REXO1: variants seen among roughly 807,000 people sequenced by gnomAD.
The protein encoded by REXO1 is REX1, RNA exonuclease 1 homolog.
Under a neutral mutation model 102.6 loss-of-function variants are expected in REXO1, and 42 were observed. The observed-to-expected ratio is 0.41, with a 90% CI of 0.32 to 0.53. The LOEUF (loss-of-function observed/expected upper bound fraction) is 0.53, where lower values mean the gene tolerates loss of function less well. Ranked by LOEUF, REXO1 falls within the 20% of genes least tolerant of loss-of-function variation. The probability of loss-of-function intolerance (pLI) is 0.27; values close to 1 mark genes in which losing one functional copy is unlikely to be tolerated. For missense variants in REXO1, 1,819 were observed against 1,732.5 expected, an observed-to-expected ratio of 1.05 and a Z score of -0.89; for synonymous variants, 908 against 779.1, an observed-to-expected ratio of 1.17 and a Z score of -2.76.
chr19:1,827,302 T>C lies in REXO1; in HGVS notation c.1487A>G (p.Lys496Arg). The change falls in exon 2 of 16, where the codon AAA (lysine) becomes AGA (arginine). Residue 496 changes from lysine (K) to arginine (R), a missense_variant. Lys to Arg is a conservative substitution (Grantham distance 26). Transcript: ENST00000170168. Reference sequence around the variant, plus strand: ...GGCGCCCTCGTCTAGTGAGCGGGCTTTCCGCTCCACTAGCTTCCCCGACGG... The same window carrying C: ...GGCGCCCTCGTCTAGTGAGCGGGCTCTCCGCTCCACTAGCTTCCCCGACGG... ...KAPSGKLVER[K>R]ARSLDEGASQ... 1.3e-6 allele frequency: 2 copies of C among 1,563,716 alleles called. No individual in the cohort carries two copies. The highest frequency in any genetic ancestry group is 1.1e-5 in the South Asian group (1 of 87,204).
chr19:1,818,742 T>A lies in REXO1; in HGVS notation c.2866A>T (p.Ile956Phe). 6.2e-7 allele frequency: 1 copy of A among 1,611,058 alleles called. No individual in the cohort carries two copies. The highest frequency in any genetic ancestry group is 8.5e-7 in the Non-Finnish European group (1 of 1,179,880). ...CTCTTCTCCTCAGCTGTGAAGATGA[T>A]TGCGCCCCCGGGCCGCTCTGGGTGC... ...FPHPERPGGA[I>F]IFTAEEKRPK... is the part of the protein sequence containing the mutation. The change falls in exon 9 of 16, where the codon ATC (isoleucine) becomes TTC (phenylalanine). Residue 956 changes from isoleucine to phenylalanine, a missense_variant. Transcript: ENST00000170168.
Position 1,827,712 on chromosome 19 carries a change from T to C in REXO1, c.1077A>G (p.Pro359=). Residue 359 remains proline, a synonymous_variant, in exon 2 of 16, where the codon CCA becomes CCG. Coordinates refer to ENST00000170168, the MANE Select transcript of REXO1 (RefSeq NM_020695.4). ...LQPPPAKPAS[P]AQVQSSQDGG... ...CATCCTGTGAGGACTGGACCTGGGC[T>C]GGGGAGGCGGGCTTGGCTGGGGGCG... 2 of 1,570,860 alleles carry C rather than the reference T, an allele frequency of 1.3e-6. No individual in the cohort carries two copies. The highest frequency in any genetic ancestry group is 1.7e-4 in the Middle Eastern group (1 of 5,826).
At chr19:1,823,404 A>G in intron 4 of REXO1, 168 bp downstream of exon 4, 1 of 428,212 alleles carries the variant, frequency 2.3e-6, no homozygotes, top group Non-Finnish European at 3.9e-6. Context: ...ACCCCTCAAC[A>G]GTCCCCATTT....
At position 1,815,609 on chromosome 19, in the gene REXO1, G is replaced by A. The variant is rs1022908835; in HGVS notation, c.*457C>T. On this transcript the variant is annotated 3_prime_UTR_variant, in exon 16 of 16. Transcript: ENST00000170168. This position sits in a 1 kb window ranked among gnomAD's most constrained non-coding sequence, Gnocchi z 4.0. ...CAGGCCCGCTCTTCCCGGTGGGAAA[G>A]ATGCTGTGCAAGTCATCAGGTTTAA... 2.1e-5 allele frequency: 22 copies of A among 1,026,002 alleles called. No homozygotes were observed. Among genetic ancestry groups the A allele is most frequent in the African/African-American group, 6.7e-5 (4 of 59,584 alleles). The allele number at this position is 1,026,002 out of a possible 1,614,324, so 63.6% of individuals were successfully genotyped here.
rs556330713 is a variant in REXO1, at chr19:1,837,150, G to A, written c.158-8519C>T. 7.2e-5 allele frequency among the ~76,000 whole-genome samples: 11 copies of A among 152,314 alleles called. No individual in the cohort carries two copies. The South Asian group carries it at 1.7e-3, about 23-fold the overall frequency. Reference sequence around the variant, plus strand: ...CAAGGCAGGGGCTGGTTGTGTCCACGGGAGCGCCCATCCCATAACAGACCC... The same window carrying A: ...CAAGGCAGGGGCTGGTTGTGTCCACAGGAGCGCCCATCCCATAACAGACCC... On this transcript the variant is annotated intron_variant, in intron 1 of 15. Coordinates refer to ENST00000170168, the MANE Select transcript of REXO1 (RefSeq NM_020695.4).
At chr19:1,840,688 A>C (rs1599170033) in intron 1 of REXO1, among the ~76,000 whole-genome samples, 7 of 105,110 alleles carry the variant, frequency 6.7e-5, no homozygotes, top group African/African-American at 1.5e-4. Context: ...TCACCCCTCC[A>C]CTCCCTGCAA....
At chr19:1,832,934 A>AG (rs1401660017) in intron 1 of REXO1, among the ~76,000 whole-genome samples, 2 of 148,660 alleles carry the variant, frequency 1.3e-5, no homozygotes, top group Non-Finnish European at 3.0e-5. Context: ...AAAAAAAAAA[A>AG]AAATTACACT....
In REXO1 at chr19:1,816,231, C is replaced by T. The variant is rs2069358361; in HGVS notation, c.3571G>A (p.Asp1191Asn). 6.3e-7 allele frequency: 1 copy of T among 1,584,890 alleles called. No individual in the cohort carries two copies. The highest frequency in any genetic ancestry group is 2.3e-5 in the East Asian group (1 of 43,588). ...GGCAGGCACCGGCACTCACCATTGTCCTGGATGATCTGTCTGAGGTAGTCG... is the reference window on the plus strand; with the variant it reads ...GGCAGGCACCGGCACTCACCATTGTTCTGGATGATCTGTCTGAGGTAGTCG... ...MADYLRQIIQ[D>N]NVDGHSSSED... The change falls in exon 15 of 16, where the codon GAC becomes AAC. Residue 1191 changes from aspartate (D) to asparagine (N), a missense_variant. Physicochemically the swap from Asp to Asn is conservative, Grantham distance 23. Coordinates refer to ENST00000170168, the MANE Select transcript of REXO1 (RefSeq NM_020695.4).
intron 1 of REXO1, among the ~76,000 whole-genome samples, chr19:1,829,132 C>T (rs1171014846): frequency 1.3e-5 from 2 of 152,210 alleles, no homozygotes; most frequent in Non-Finnish European, 2.9e-5. Context: ...CGGAGGTGTG[C>T]CAGCAGTGTG....
At chr19:1,825,697 A>G (rs917134417) in intron 3 of REXO1, 142 bp downstream of exon 3, 2 of 608,802 alleles carry the variant, frequency 3.3e-6, no homozygotes, top group African/African-American at 3.7e-5. Flanking sequence ...GCTGGTCTCG[A>G]ACTCCTGGCC....
intron 7 of REXO1, among the ~76,000 whole-genome samples, chr19:1,819,580 C>T (rs1239383981): frequency 2.6e-5 from 4 of 152,332 alleles, no homozygotes; most frequent in East Asian, 1.9e-4. Context: ...TGCAATGAAA[C>T]GCCCAGGTCT....
In REXO1 at chr19:1,815,556, C is replaced by CA. The variant is rs1484497042; in HGVS notation, c.*509dup. On this transcript the variant is annotated 3_prime_UTR_variant, in exon 16 of 16. Coordinates refer to ENST00000170168, the MANE Select transcript of REXO1 (RefSeq NM_020695.4). The surrounding 1 kb of genome is among the most constrained non-coding windows in gnomAD (Gnocchi z 4.0). ...CCCTGGCCCCCACTGGGGTCTGTCCCACCCCCACCCCGCAGGAGGGAAGGC... is the reference window on the plus strand; with the variant it reads ...CCCTGGCCCCCACTGGGGTCTGTCCCAACCCCCACCCCGCAGGAGGGAAGGC... 14 of 609,634 alleles carry CA rather than the reference C, an allele frequency of 2.3e-5. No homozygotes were observed. The East Asian group carries it at 6.4e-4, about 28-fold the overall frequency. The allele number at this position is 609,634 out of a possible 1,614,324, so 37.8% of individuals were successfully genotyped here. A position where few individuals can be genotyped will look rare whatever the true frequency, so the allele number is the denominator to read the frequency against.
At chr19:1,841,888 A>G (rs2011299985) in intron 1 of REXO1, among the ~76,000 whole-genome samples, 1 of 152,164 alleles carries the variant, frequency 6.6e-6, no homozygotes, top group Non-Finnish European at 1.5e-5. Context: ...CCCTACAGGC[A>G]GAGCGCCAGC....
At chr19:1,817,656 G>C (rs772924778) in intron 11 of REXO1, 51 bp downstream of exon 11, 10 of 1,562,800 alleles carry the variant, frequency 6.4e-6, no homozygotes, top group Middle Eastern at 3.3e-4. Flanking sequence ...ACGATGGGGA[G>C]GCAGAAGTCT....
At chr19:1,842,410 C>G (rs1210576706) in intron 1 of REXO1, among the ~76,000 whole-genome samples, 5 of 152,234 alleles carry the variant, frequency 3.3e-5, no homozygotes, top group South Asian at 2.1e-4. Flanking sequence ...AACTGGCAAC[C>G]AAAACATCTC....
At chr19:1,841,126 A>G (rs2011254908) in intron 1 of REXO1, among the ~76,000 whole-genome samples, 1 of 152,230 alleles carries the variant, frequency 6.6e-6, no homozygotes, top group Admixed American at 6.5e-5. Flanking sequence ...TGGCTGTTAG[A>G]GGAGGAAGAG....
intron 1 of REXO1, among the ~76,000 whole-genome samples, chr19:1,836,611 C>A (rs2070043969): frequency 6.6e-6 from 1 of 152,022 alleles, no homozygotes; most frequent in Non-Finnish European, 1.5e-5. Flanking sequence ...CCGGGCGTGG[C>A]GGCAGGCGCC....
At chr19:1,843,593 T>A (rs947039573) in intron 1 of REXO1, among the ~76,000 whole-genome samples, 1 of 152,138 alleles carries the variant, frequency 6.6e-6, no homozygotes, top group East Asian at 1.9e-4. Context: ...GGTGGCCCGA[T>A]TGCCCACCTG....
In REXO1 at chr19:1,816,034, G is replaced by C. The variant is rs1044243564; in HGVS notation, c.*32C>G. On this transcript the variant is annotated 3_prime_UTR_variant, in exon 16 of 16. Transcript: ENST00000170168. ...GCATGGGGCTAAGGACCAGCGGGACGGCAGGAGAGGCGGGTGGGAGGCGGG... is the reference window on the plus strand; with the variant it reads ...GCATGGGGCTAAGGACCAGCGGGACCGCAGGAGAGGCGGGTGGGAGGCGGG... The C allele has an allele frequency of 6.5e-7, 1 of 1,540,984 alleles. No individual in the cohort carries two copies. Among genetic ancestry groups the C allele is most frequent in the Non-Finnish European group, 8.7e-7 (1 of 1,147,276 alleles).
Sources: allele counts gnomAD v4.1 joint callset (sites outside exome capture counted in the v4.1 genomes callset), GRCh38; gene constraint gnomAD v4.1.1; non-coding constraint Gnocchi (gnomAD v3.1); transcripts MANE v1.5; gene names NCBI Gene and HGNC (gene_info 2026-07-23, HGNC 2026-07-21).